The following ESRRG variants were observed in gnomAD, a reference collection of about 807,000 sequenced individuals.
ESRRG encodes estrogen-related receptor gamma.
In ESRRG, 13 loss-of-function variants were observed where a neutral mutation model predicts 44.0. The observed-to-expected ratio is 0.30, with a 90% confidence interval of 0.19 to 0.47. The LOEUF (loss-of-function observed/expected upper bound fraction) is 0.47, where lower values mean the gene tolerates loss of function less well. Among genes scored for constraint, ESRRG ranks in the 20% least tolerant of loss-of-function variants. The probability of loss-of-function intolerance (pLI) is 1.00; values close to 1 mark genes in which losing one functional copy is unlikely to be tolerated. For synonymous variants in ESRRG, 215 were observed against 214.6 expected (o/e 1.00, Z -0.02); for missense variants, 395 against 580.6 (o/e 0.68, Z 3.29).
chr1:217,030,158 T>C (rs2081862865), intron 1 of ESRRG, among the ~76,000 whole-genome samples: 1 of 152,100 alleles, frequency 6.6e-6, no homozygotes, highest in Admixed American at 6.5e-5. Context: ...TCTTTCTCTT[T>C]TTCTTTCTCT....
intron 3 of ESRRG, among the ~76,000 whole-genome samples, chr1:216,611,450 T>C (rs1187499199): frequency 6.6e-6 from 1 of 152,176 alleles, no homozygotes; most frequent in Admixed American, 6.5e-5. Context: ...TGAAGTCTAC[T>C]TAATGTAACA....
chr1:216,761,826 T>G (rs1312243269), intron 2 of ESRRG, among the ~76,000 whole-genome samples: 7 of 152,136 alleles, frequency 4.6e-5, no homozygotes, highest in African/African-American at 1.7e-4. Flanking sequence ...ACTTAAGGTA[T>G]ACAACTTGGA....
At chr1:216,895,097 C>A (rs1314307973) in intron 2 of ESRRG, among the ~76,000 whole-genome samples, 1 of 152,022 alleles carries the variant, frequency 6.6e-6, no homozygotes, top group Non-Finnish European at 1.5e-5. Flanking sequence ...TTCTTTTTCC[C>A]ATCTTTAGAT....
chr1:217,037,100 T>C (rs1177714360), intron 1 of ESRRG, among the ~76,000 whole-genome samples: 2 of 152,206 alleles, frequency 1.3e-5, no homozygotes, highest in Non-Finnish European at 2.9e-5. Context: ...TCCTGCTCCC[T>C]GATAACAAAT....
intron 2 of ESRRG, among the ~76,000 whole-genome samples, chr1:216,846,815 C>T (rs1287530944): frequency 6.6e-6 from 1 of 152,028 alleles, no homozygotes; most frequent in Non-Finnish European, 1.5e-5. Context: ...CCAGATAAAG[C>T]TGAACCTGAA....
At chr1:216,819,668 G>C (rs952952670) in intron 2 of ESRRG, among the ~76,000 whole-genome samples, 3 of 152,056 alleles carry the variant, frequency 2.0e-5, no homozygotes, top group African/African-American at 7.2e-5. Flanking sequence ...ATTGATGGAA[G>C]CTAGTTAAAT....
chr1:217,055,915 C>T (rs1032779601), intron 1 of ESRRG, among the ~76,000 whole-genome samples: 1 of 152,082 alleles, frequency 6.6e-6, no homozygotes, highest in Non-Finnish European at 1.5e-5. Context: ...TTCCTTGTCC[C>T]TTTTCCTTTT....
At chr1:217,038,255 T>C (rs1195319121) in intron 1 of ESRRG, among the ~76,000 whole-genome samples, 2 of 152,224 alleles carry the variant, frequency 1.3e-5, no homozygotes. Context: ...GCCCTGCCCC[T>C]GCAGCAAACT....
At chr1:216,906,382 G>A (rs886081741) in intron 2 of ESRRG, among the ~76,000 whole-genome samples, 6 of 152,194 alleles carry the variant, frequency 3.9e-5, no homozygotes, top group South Asian at 2.1e-4. Flanking sequence ...TGGAGGGAGA[G>A]GCTAAGTGGT....
At chr1:216,598,668 ACAG>A (rs2058769406) in intron 3 of ESRRG, among the ~76,000 whole-genome samples, 1 of 152,190 alleles carries the variant, frequency 6.6e-6, no homozygotes, top group Admixed American at 6.5e-5. Context: ...CTGTGCTCTC[ACAG>A]CAAGTCAGTG....
rs1453779628 is a variant in ESRRG, at chr1:217,085,534, A to G, written c.-106+3973T>C. Reference sequence around the variant, plus strand: ...TTAGACGAAGTCTCACTCTGTCCCCAGGCTGAAGTGCAGTGGCGCCATCTC... The same window carrying G: ...TTAGACGAAGTCTCACTCTGTCCCCGGGCTGAAGTGCAGTGGCGCCATCTC... On this transcript the variant is annotated intron_variant, in intron 1 of 7. Transcript: ENST00000359162. Among the ~76,000 whole-genome samples the G allele has an allele frequency of 5.5e-5, 6 of 108,464 alleles. No homozygotes were observed. In the Admixed American group the frequency reaches 7.1e-4, roughly 13 times the overall value. 71.2% of individuals were successfully genotyped at this position (108,464 alleles called of 152,430 possible). A position where few individuals can be genotyped will look rare whatever the true frequency, so the allele number is the denominator to read the frequency against.
At chr1:216,802,886 T>C (rs977897253) in intron 2 of ESRRG, among the ~76,000 whole-genome samples, 9 of 152,272 alleles carry the variant, frequency 5.9e-5, no homozygotes, top group Middle Eastern at 3.4e-3. Context: ...AAAGCAATAC[T>C]AAAAGGAAAA....
intron 2 of ESRRG, among the ~76,000 whole-genome samples, chr1:216,664,707 A>C (rs1375193833): frequency 2.7e-5 from 4 of 146,364 alleles, no homozygotes; most frequent in African/African-American, 4.9e-5. Flanking sequence ...AAAAAAAAAA[A>C]CAGAAAATAA....
At position 216,677,223 on chromosome 1, in the gene ESRRG, C is replaced by G; in HGVS notation, c.325G>C (p.Val109Leu). The G allele has an allele frequency of 6.2e-7, 1 of 1,614,188 alleles. No individual in the cohort carries two copies. The highest frequency in any genetic ancestry group is 8.5e-7 in the Non-Finnish European group (1 of 1,180,040). ...TCACACTTGGTCTGGGGATCTTCAACAATGGTGCTGGAGCAGTCATCATAC... is the reference window on the plus strand; with the variant it reads ...TCACACTTGGTCTGGGGATCTTCAAGAATGGTGCTGGAGCAGTCATCATAC... ...KLYDDCSSTIVEDPQTKCEYM... is the reference protein window; with the variant it reads ...KLYDDCSSTILEDPQTKCEYM... The change falls in exon 2 of 7, where the codon GTT becomes CTT. Residue 109 changes from valine to leucine, a missense_variant. Val to Leu is a conservative substitution (Grantham distance 32). Transcript: ENST00000408911.
At chr1:216,977,096 A>G (rs1033226336) in intron 1 of ESRRG, among the ~76,000 whole-genome samples, 1 of 152,078 alleles carries the variant, frequency 6.6e-6, no homozygotes, top group Admixed American at 6.6e-5. Context: ...TGTTTCTTTC[A>G]TTGTTTGGAG....
At chr1:217,125,024 G>T (rs2092870283) in intron 1 of ESRRG, among the ~76,000 whole-genome samples, 1 of 152,050 alleles carries the variant, frequency 6.6e-6, no homozygotes, top group Non-Finnish European at 1.5e-5. Context: ...ACATATCCAG[G>T]GATCCACTCC....
At chr1:217,089,975 G>A (rs1383058850), upstream of ESRRG, among the ~76,000 whole-genome samples, 1 of 152,174 alleles carries the variant, frequency 6.6e-6, no homozygotes, top group Non-Finnish European at 1.5e-5. Flanking sequence ...TGGTTACGTG[G>A]TATGTGCACG....
intron 2 of ESRRG, among the ~76,000 whole-genome samples, chr1:216,816,267 A>G (rs1318806164): frequency 6.6e-6 from 1 of 152,248 alleles, no homozygotes; most frequent in Non-Finnish European, 1.5e-5. Context: ...TGGTCATTTA[A>G]TAACACATCT....
chr1:217,099,209 G>A (rs542865944), intron 1 of ESRRG, among the ~76,000 whole-genome samples: 2 of 152,286 alleles, frequency 1.3e-5, no homozygotes, highest in African/African-American at 4.8e-5. Context: ...CAAGAAATGT[G>A]CCAAGAAAGA....
Sources: gnomAD v4.1 joint callset for allele counts (sites outside exome capture counted in the v4.1 genomes callset) on GRCh38, gnomAD v4.1.1 for gene constraint, MANE v1.5 for transcripts, NCBI Gene and HGNC (gene_info 2026-07-23, HGNC 2026-07-21) for gene names.